NRG1: variants seen among roughly 807,000 people sequenced by gnomAD.
The protein encoded by NRG1 is pro-neuregulin-1, membrane-bound isoform.
A neutral mutation model predicts 63.8 loss-of-function variants in NRG1; 18 were observed. The ratio of observed to expected loss-of-function variants is 0.28; its 90% CI spans 0.19 to 0.42. The LOEUF (loss-of-function observed/expected upper bound fraction) is 0.42. Ranked by LOEUF, NRG1 falls within the 10% of genes least tolerant of loss-of-function variation. The pLI, the probability that NRG1 is intolerant of heterozygous loss-of-function variation, is 1.00. For missense variants in NRG1, 762 were observed against 814.7 expected (o/e 0.94, Z 0.79); for synonymous variants, 302 against 301.3 (o/e 1.00, Z -0.02).
At chr8:31,794,428 G>T (rs13265568) in intron 1 of NRG1, among the ~76,000 whole-genome samples, 7,516 of 150,786 alleles carry the variant, frequency 0.05, 251 homozygotes, top group Admixed American at 0.11. Flanking sequence ...TTAAAACATT[G>T]TTCTTCCTCT....
At chr8:32,518,548 T>C (rs73579877) in intron 1 of NRG1, among the ~76,000 whole-genome samples, 4,438 of 152,176 alleles carry the variant, frequency 0.029, 69 homozygotes, top group Middle Eastern at 0.044. Context: ...AGTGACGACA[T>C]GTGAAGATGT....
At chr8:31,943,725 C>T (rs1056396340) in intron 1 of NRG1, among the ~76,000 whole-genome samples, 3 of 152,162 alleles carry the variant, frequency 2.0e-5, no homozygotes, top group Admixed American at 6.5e-5. Flanking sequence ...GTTCAGCTAA[C>T]TAGATTCCAT....
chr8:31,741,014 T>C (rs1227220762), intron 1 of NRG1, among the ~76,000 whole-genome samples: 1 of 152,030 alleles, frequency 6.6e-6, no homozygotes, highest in Non-Finnish European at 1.5e-5. Flanking sequence ...GTGGTACATA[T>C]GCACCATGGA....
At chr8:32,265,711 C>T (rs1241405383) in intron 1 of NRG1, among the ~76,000 whole-genome samples, 3 of 151,624 alleles carry the variant, frequency 2.0e-5, no homozygotes, top group Admixed American at 6.6e-5. Context: ...GGTTTGGTGG[C>T]ATGCATCTGT....
chr8:32,035,035 G>A (rs1445414576), intron 1 of NRG1, among the ~76,000 whole-genome samples: 1 of 152,074 alleles, frequency 6.6e-6, no homozygotes, highest in Non-Finnish European at 1.5e-5. Flanking sequence ...TAGTTGTGGT[G>A]TTAGGATGTC....
At chr8:32,200,984 C>T (rs1376538976) in intron 1 of NRG1, among the ~76,000 whole-genome samples, 2 of 152,168 alleles carry the variant, frequency 1.3e-5, no homozygotes, top group Non-Finnish European at 2.9e-5. Flanking sequence ...TTGTTTCTCA[C>T]TATACCTTAT....
At chr8:32,647,400 C>T (rs1446049115) in intron 5 of NRG1, 2 of 985,244 alleles carry the variant, frequency 2.0e-6, no homozygotes, top group Non-Finnish European at 2.4e-6. Context: ...ATTAATCAGC[C>T]GGCAGCTCCG....
intron 1 of NRG1, among the ~76,000 whole-genome samples, chr8:32,444,265 T>A (rs1306890119): frequency 1.3e-5 from 2 of 152,010 alleles, no homozygotes; most frequent in African/African-American, 4.8e-5. Context: ...ACTACAGGTG[T>A]GCCCCTCCAT....
intron 1 of NRG1, among the ~76,000 whole-genome samples, chr8:32,202,330 CT>C (rs1468646632): frequency 2.6e-5 from 4 of 152,216 alleles, no homozygotes; most frequent in Non-Finnish European, 5.9e-5. Flanking sequence ...ACAGGGGTGT[CT>C]TGTTTATTTG....
intron 3 of NRG1, among the ~76,000 whole-genome samples, chr8:32,608,092 G>GTTTTTTTTTTTTTTTTTTTTTTTTT (rs1226154193): frequency 9.4e-6 from 1 of 106,158 alleles, no homozygotes; most frequent in Non-Finnish European, 2.0e-5. Context: ...GGTTTTTTTT[G>GTTTTTTTTTTTTTTTTTTTTTTTTT]TTTTTTTTTT....
At chr8:32,597,728 T>TA (rs1843615531) in intron 2 of NRG1, among the ~76,000 whole-genome samples, 1 of 152,170 alleles carries the variant, frequency 6.6e-6, no homozygotes, top group African/African-American at 2.4e-5. Context: ...TTATACCCAT[T>TA]AAAAATGTAA....
At chr8:32,695,680 G>A (rs139391122) in intron 5 of NRG1, among the ~76,000 whole-genome samples, 145 of 152,266 alleles carry the variant, frequency 9.5e-4, no homozygotes, top group Non-Finnish European at 1.2e-3. Context: ...ACACTGTGCC[G>A]GGTATGTGTG....
At chr8:32,693,214 C>CTT (rs34318329) in intron 5 of NRG1, among the ~76,000 whole-genome samples, 7 of 138,620 alleles carry the variant, frequency 5.0e-5, no homozygotes, top group Admixed American at 1.5e-4. Context: ...ATGGGTCACT[C>CTT]TTTTTTTTTT....
chr8:32,334,297 A>G (rs1328591053), intron 1 of NRG1, among the ~76,000 whole-genome samples: 2 of 152,204 alleles, frequency 1.3e-5, no homozygotes, highest in South Asian at 2.1e-4. Context: ...AAAACTGTCT[A>G]CTTATCTCTA....
chr8:31,740,628 G>A (rs189440496), intron 1 of NRG1, among the ~76,000 whole-genome samples: 17 of 151,890 alleles, frequency 1.1e-4, no homozygotes, highest in African/African-American at 3.6e-4. Context: ...CTCCATGAAG[G>A]TAACTTGGAA....
chr8:31,888,226 A>T lies in NRG1; in HGVS notation c.37+248795A>T, dbSNP rs139899839. Reference sequence around the variant, plus strand: ...TGTCTTATTTTGGAACTCACGCTGAAGTAGCTTTCAGATACTGTTCTAGAA... The same window carrying T: ...TGTCTTATTTTGGAACTCACGCTGATGTAGCTTTCAGATACTGTTCTAGAA... On this transcript the variant is annotated intron_variant, in intron 1 of 10. Coordinates refer to the NRG1 transcript ENST00000519301. Among the ~76,000 whole-genome samples the T allele has an allele frequency of 5.9e-5, 9 of 152,172 alleles. No individual in the cohort carries two copies. The East Asian group carries it at 1.7e-3, about 29-fold the overall frequency.
intron 1 of NRG1, among the ~76,000 whole-genome samples, chr8:32,262,285 T>C (rs780502549): frequency 1.3e-5 from 2 of 152,178 alleles, no homozygotes; most frequent in Non-Finnish European, 2.9e-5. Context: ...TGCTTGCTAC[T>C]AAGAATTTCC....
intron 1 of NRG1, among the ~76,000 whole-genome samples, chr8:32,564,622 A>G (rs569554037): frequency 1.2e-4 from 18 of 152,210 alleles, no homozygotes; most frequent in Non-Finnish European, 2.2e-4. Flanking sequence ...GTATTAGATA[A>G]AGCATACAGT....
At chr8:32,307,589 T>TTGTGTGTG (rs371611530) in intron 1 of NRG1, among the ~76,000 whole-genome samples, 2 of 93,490 alleles carry the variant, frequency 2.1e-5, no homozygotes, top group African/African-American at 1.0e-4. Flanking sequence ...ACCCAGGGGT[T>TTGTGTGTG]TGTGTGTGTG....
Sources: gnomAD v4.1 joint callset for allele counts (sites outside exome capture counted in the v4.1 genomes callset) on GRCh38, gnomAD v4.1.1 for gene constraint, MANE v1.5 for transcripts, NCBI Gene and HGNC (gene_info 2026-07-23, HGNC 2026-07-21) for gene names.